SLC35E3: variants seen among roughly 807,000 people sequenced by gnomAD.
SLC35E3 encodes bladder cancer-overexpressed gene 1 protein.
In SLC35E3, 28 loss-of-function variants were observed where a neutral mutation model predicts 30.8. That is an observed-to-expected ratio of 0.91 (90% CI 0.67 to 1.25). SLC35E3 has a LOEUF of 1.25. Ranked by LOEUF, SLC35E3 falls within the 50% of genes most tolerant of loss-of-function variation. The pLI, the probability that SLC35E3 is intolerant of heterozygous loss-of-function variation, is 0.00. For synonymous variants in SLC35E3, 146 were observed against 149.2 expected (o/e 0.98, Z 0.16); for missense variants, 365 against 375.4 (o/e 0.97, Z 0.23).
chr12:68,760,864 AT>A (rs1879213681), intron 4 of SLC35E3, among the ~76,000 whole-genome samples: 1 of 152,214 alleles, frequency 6.6e-6, no homozygotes, highest in South Asian at 2.1e-4. Context: ...ACAGTGTTGG[AT>A]AGTGTTAACT....
Position 68,777,345 on chromosome 12 carries a change from C to A in SLC35E3, c.*12455C>A, listed in dbSNP as rs999823860. On this transcript the variant is annotated 3_prime_UTR_variant, in exon 5 of 5. Transcript: ENST00000398004. ...TTCTGAAATCATAACATCATGAGGACATCCACTGCTTGTACTCAAATAGCA... is the reference window on the plus strand; with the variant it reads ...TTCTGAAATCATAACATCATGAGGAAATCCACTGCTTGTACTCAAATAGCA... 1 of 152,112 alleles carries A rather than the reference C, an allele frequency of 6.6e-6. No homozygotes were observed. Among genetic ancestry groups the A allele is most frequent in the Admixed American group, 6.5e-5 (1 of 15,268 alleles). The allele number at this position is 152,112 out of a possible 1,614,324, so 9.4% of individuals were successfully genotyped here.
In SLC35E3 at chr12:68,765,057, G is replaced by C. The variant is rs1024007030; in HGVS notation, c.*167G>C. 19 of 507,256 alleles carry C rather than the reference G, an allele frequency of 3.7e-5. No homozygotes were observed. Among genetic ancestry groups the C allele is most frequent in the Non-Finnish European group, 6.6e-5 (19 of 288,102 alleles). 31.4% of individuals were successfully genotyped at this position (507,256 alleles called of 1,614,324 possible). On this transcript the variant is annotated 3_prime_UTR_variant, in exon 5 of 5. Coordinates refer to ENST00000398004, the MANE Select transcript of SLC35E3 (RefSeq NM_018656.5). ...GGATCACTTGAGGTCAGGAGTTCGA[G>C]ACCAGCCTGACCAACATGGAGAAAC... is the stretch of plus-strand genomic sequence containing the variant.
chr12:68,752,045 A>T lies in SLC35E3; in HGVS notation c.527A>T (p.Lys176Ile). 6.3e-6 allele frequency: 10 copies of T among 1,599,468 alleles called. No individual in the cohort carries two copies. Among genetic ancestry groups the T allele is most frequent in the Non-Finnish European group, 8.5e-6 (10 of 1,175,292 alleles). ...CCTAATTTTCAGTGGGTAGGAGCCA[A>T]ACAGCATGAATTACAAGTGAACTCA... ...TSLYQVWVGA[K>I]QHELQVNSMQ... is the part of the protein sequence containing the mutation. The change falls in exon 3 of 5, where the codon AAA (lysine) becomes ATA (isoleucine). Residue 176 changes from lysine (K) to isoleucine (I), a missense_variant. Lys to Ile is a moderately radical substitution (Grantham distance 102). Coordinates refer to ENST00000398004, the MANE Select transcript of SLC35E3 (RefSeq NM_018656.5).
rs1167333995 is a variant in SLC35E3, at chr12:68,746,532, T to A, written c.155T>A (p.Val52Glu). The A allele has an allele frequency of 6.2e-7, 1 of 1,614,136 alleles. No individual in the cohort carries two copies. The highest frequency in any genetic ancestry group is 2.2e-5 in the East Asian group (1 of 44,904). The change falls in exon 1 of 5, where the codon GTG (valine) becomes GAG (glutamate). Residue 52 changes from valine to glutamate, a missense_variant. Transcript: ENST00000398004. ...PNMSLTLVHF[V>E]VTWLGLYICQ... ...ATGAGCCTGACCCTGGTGCACTTCG[T>A]GGTCACCTGGCTGGGCTTGTATATC...
In SLC35E3 at chr12:68,770,253, T is replaced by C. The variant is rs1382396312; in HGVS notation, c.*5363T>C. ...ACATGGTGTGTCCTGCACCTGGAAA[T>C]GTAGATAGACCTCAGGCCATACAAT... On this transcript the variant is annotated 3_prime_UTR_variant, in exon 5 of 5. Transcript: ENST00000398004. The C allele has an allele frequency of 6.6e-6, 1 of 152,142 alleles. No homozygotes were observed. Among genetic ancestry groups the C allele is most frequent in the Admixed American group, 6.6e-5 (1 of 15,256 alleles). 9.4% of individuals were successfully genotyped at this position (152,142 alleles called of 1,614,324 possible).
chr12:68,748,115 A>G, intron 2 of SLC35E3, 75 bp downstream of exon 2: 1 of 842,626 alleles, frequency 1.2e-6, no homozygotes, highest in Non-Finnish European at 2.0e-6. Flanking sequence ...CAAGGTTTAG[A>G]AAATACAGTA....
At position 68,772,398 on chromosome 12, in the gene SLC35E3, AT is replaced by A; in HGVS notation, c.*7513del. The A allele has an allele frequency of 6.6e-6, 1 of 152,108 alleles. No homozygotes were observed. The highest frequency in any genetic ancestry group is 1.5e-5 in the Non-Finnish European group (1 of 68,018). 9.4% of individuals were successfully genotyped at this position (152,108 alleles called of 1,614,324 possible). On this transcript the variant is annotated 3_prime_UTR_variant, in exon 5 of 5. Coordinates refer to ENST00000398004, the MANE Select transcript of SLC35E3 (RefSeq NM_018656.5). Reference sequence around the variant, plus strand: ...AAGCATTTCTTTACTCATAGATACCATTTTTATAACTTATATGAGACGCATT... The same window carrying A: ...AAGCATTTCTTTACTCATAGATACCATTTTATAACTTATATGAGACGCATT...
chr12:68,778,479 AT>A lies in SLC35E3; in HGVS notation c.*13593del, dbSNP rs1007081661. 4.6e-5 allele frequency: 7 copies of A among 152,214 alleles called. No individual in the cohort carries two copies. The highest frequency in any genetic ancestry group is 1.7e-4 in the African/African-American group (7 of 41,558). The allele number at this position is 152,214 out of a possible 1,614,324, so 9.4% of individuals were successfully genotyped here. A position where few individuals can be genotyped will look rare whatever the true frequency, so the allele number is the denominator to read the frequency against. On this transcript the variant is annotated 3_prime_UTR_variant, in exon 5 of 5. Coordinates refer to ENST00000398004, the MANE Select transcript of SLC35E3 (RefSeq NM_018656.5). ...TAAATAGTTGGAAGATTTATTTTTTATTTTGTTTTTTAGAAACAGGGTCTTG... is the reference window on the plus strand; with the variant it reads ...TAAATAGTTGGAAGATTTATTTTTTATTTGTTTTTTAGAAACAGGGTCTTG...
At chr12:68,764,618 T>G in intron 4 of SLC35E3, 86 bp from the exon 5 acceptor site, 1 of 1,280,564 alleles carries the variant, frequency 7.8e-7, no homozygotes, top group Non-Finnish European at 1.1e-6. Context: ...TGGGCTGCTT[T>G]TGGGTTGTTT....
At position 68,778,950 on chromosome 12, in the gene SLC35E3, C is replaced by T. The variant is rs896720905; in HGVS notation, c.*14060C>T. On this transcript the variant is annotated 3_prime_UTR_variant, in exon 5 of 5. Transcript: ENST00000398004. ...CGAAACTCCATCTCTACTAAAAATA[C>T]AAAAGTTAGTTGGGCGTGGTGGTGT... 6.6e-6 allele frequency: 1 copy of T among 151,870 alleles called. No homozygotes were observed. Among genetic ancestry groups the T allele is most frequent in the African/African-American group, 2.4e-5 (1 of 41,340 alleles). The allele number at this position is 151,870 out of a possible 1,614,324, so 9.4% of individuals were successfully genotyped here. A position where few individuals can be genotyped will look rare whatever the true frequency, so the allele number is the denominator to read the frequency against.
intron 4 of SLC35E3, 74 bp from the exon 5 acceptor site, chr12:68,764,630 A>T (rs1245876535): frequency 7.1e-7 from 1 of 1,414,042 alleles, no homozygotes; most frequent in Non-Finnish European, 9.7e-7. Context: ...GGGTTGTTTT[A>T]TGCAGTGCGA....
At chr12:68,752,387 A>G (rs987808067) in intron 3 of SLC35E3, among the ~76,000 whole-genome samples, 197 bp downstream of exon 3, 2 of 152,156 alleles carry the variant, frequency 1.3e-5, no homozygotes, top group Non-Finnish European at 2.9e-5. Flanking sequence ...GGACTTGCCT[A>G]GAGTGAGGCA....
intron 4 of SLC35E3, among the ~76,000 whole-genome samples, chr12:68,761,335 C>G (rs1879226895): frequency 6.6e-6 from 1 of 152,090 alleles, no homozygotes; most frequent in East Asian, 1.9e-4. Flanking sequence ...ATCCCTTGAG[C>G]CCAGGAGTTC....
In SLC35E3 at chr12:68,764,985, G is replaced by C; in HGVS notation, c.*95G>C. ...AAAAAAAAAAAATTGGGCCAGGCAC[G>C]GTGGCTCACGCCTGTAATCCCAGCA... On this transcript the variant is annotated 3_prime_UTR_variant, in exon 5 of 5. Coordinates refer to ENST00000398004, the MANE Select transcript of SLC35E3 (RefSeq NM_018656.5). The C allele has an allele frequency of 1.6e-6, 2 of 1,222,164 alleles. No homozygotes were observed. The highest frequency in any genetic ancestry group is 2.3e-6 in the Non-Finnish European group (2 of 885,764). 75.7% of individuals were successfully genotyped at this position (1,222,164 alleles called of 1,614,324 possible).
intron 2 of SLC35E3, among the ~76,000 whole-genome samples, chr12:68,749,815 T>C (rs1878726420): frequency 6.6e-6 from 1 of 152,126 alleles, no homozygotes; most frequent in African/African-American, 2.4e-5. Context: ...AGTAGGTGCA[T>C]TGTGAGAAGA....
intron 4 of SLC35E3, among the ~76,000 whole-genome samples, chr12:68,761,907 C>T (rs1275573182): frequency 1.3e-5 from 2 of 152,040 alleles, no homozygotes; most frequent in Non-Finnish European, 2.9e-5. Flanking sequence ...ATAGGATACC[C>T]AGAAGGAGGT....
rs1052999251 is a variant in SLC35E3, at chr12:68,778,379, C to T, written c.*13489C>T. The T allele has an allele frequency of 1.3e-5, 2 of 152,150 alleles. No homozygotes were observed. Among genetic ancestry groups the T allele is most frequent in the Admixed American group, 1.3e-4 (2 of 15,266 alleles). The allele number at this position is 152,150 out of a possible 1,614,324, so 9.4% of individuals were successfully genotyped here. ...TGTCTAATAGGTTATCTGTACTCAA[C>T]AAGCCTAGAACACACACTCCTTTCA... On this transcript the variant is annotated 3_prime_UTR_variant, in exon 5 of 5. Coordinates refer to ENST00000398004, the MANE Select transcript of SLC35E3 (RefSeq NM_018656.5).
At chr12:68,756,263 A>G (rs1453898105) in intron 3 of SLC35E3, among the ~76,000 whole-genome samples, 5 of 150,472 alleles carry the variant, frequency 3.3e-5, no homozygotes, top group African/African-American at 9.8e-5. Context: ...GTAGCCTTCT[A>G]ACAGGTTTTA....
intron 3 of SLC35E3, among the ~76,000 whole-genome samples, chr12:68,754,478 G>T (rs1878927720): frequency 6.6e-6 from 1 of 151,890 alleles, no homozygotes; most frequent in Non-Finnish European, 1.5e-5. Context: ...TAGAGACAGG[G>T]TTTCACCATG....
Sources: gnomAD v4.1 joint callset for allele counts (sites outside exome capture counted in the v4.1 genomes callset) on GRCh38, gnomAD v4.1.1 for gene constraint, MANE v1.5 for transcripts, NCBI Gene and HGNC (gene_info 2026-07-23, HGNC 2026-07-21) for gene names.